Variants in STAP2 observed in about 807,000 individuals in gnomAD.
The protein encoded by STAP2 is signal-transducing adaptor protein 2.
Under a neutral mutation model 52.7 loss-of-function variants are expected in STAP2, and 58 were observed. That is an observed-to-expected ratio of 1.10 (90% CI 0.89 to 1.37). STAP2 has a LOEUF of 1.37. STAP2 is among the 40% of genes most tolerant of loss of function. The pLI is 0.00. For missense variants in STAP2, 522 were observed against 519.4 expected (o/e 1.00, Z -0.05); for synonymous variants, 231 against 210.5 (o/e 1.10, Z -0.84).
chr19:4,330,955 T>G (rs1469242337), intron 4 of STAP2, among the ~76,000 whole-genome samples: 2 of 151,878 alleles, frequency 1.3e-5, no homozygotes, highest in African/African-American at 4.8e-5. Context: ...CCTCATGATC[T>G]GCCAGCCTCG....
chr19:4,325,854 G>A (rs1252999634), intron 9 of STAP2, among the ~76,000 whole-genome samples: 1 of 151,934 alleles, frequency 6.6e-6, no homozygotes, highest in East Asian at 1.9e-4. Context: ...TCCTGTAATC[G>A]CAGCTACTCG....
chr19:4,331,077 C>T (rs55720305), intron 4 of STAP2, among the ~76,000 whole-genome samples: 3,145 of 149,830 alleles, frequency 0.021, 78 homozygotes, highest in African/African-American at 0.061. Context: ...CATCTATAAT[C>T]CTATCACTTT....
chr19:4,330,602 A>G (rs1411505982), intron 4 of STAP2, among the ~76,000 whole-genome samples: 1 of 151,550 alleles, frequency 6.6e-6, no homozygotes, highest in Non-Finnish European at 1.5e-5. Context: ...TGCAGGGGCC[A>G]GGCAGGTCTC....
At chr19:4,324,431 G>T (rs768521143) in intron 12 of STAP2, 24 bp downstream of exon 12, 4 of 1,542,162 alleles carry the variant, frequency 2.6e-6, no homozygotes, top group Non-Finnish European at 3.5e-6. Context: ...AGCCCGCCCC[G>T]CACTGACCCC....
At chr19:4,332,101 G>T (rs1439996341) in intron 3 of STAP2, 23 bp from the exon 4 acceptor site, 8 of 1,597,034 alleles carry the variant, frequency 5.0e-6, no homozygotes, top group Non-Finnish European at 6.8e-6. Context: ...AGAAAGGAAA[G>T]AATCCAAGTC....
intron 1 of STAP2, among the ~76,000 whole-genome samples, chr19:4,335,054 C>T (rs1448374733): frequency 6.9e-6 from 1 of 145,738 alleles, no homozygotes; most frequent in African/African-American, 2.5e-5. Context: ...CTCCATCATC[C>T]ACCCACCATC....
At chr19:4,328,909 C>T (rs966035815) in intron 5 of STAP2, 100 bp from the exon 6 acceptor site, 1 of 1,485,580 alleles carries the variant, frequency 6.7e-7, no homozygotes, top group Admixed American at 2.1e-5. Flanking sequence ...ATCCCCATCC[C>T]CTAGGCCCAG....
At position 4,333,962 on chromosome 19, in the gene STAP2, C is replaced by A; in HGVS notation, c.174+11G>T. 2.5e-6 allele frequency: 4 copies of A among 1,613,016 alleles called. No homozygotes were observed. In the East Asian group the frequency reaches 6.7e-5, roughly 27 times the overall value. ...GAAGGCCTGCTCTGGAGCCTCCATT[C>A]CCATCCTTACCTGGAAGTCCCGATT... On this transcript the variant is annotated intron_variant, in intron 2 of 12. Transcript: ENST00000594605.
chr19:4,325,770 A>G (rs755830904), intron 9 of STAP2, among the ~76,000 whole-genome samples: 2 of 152,188 alleles, frequency 1.3e-5, no homozygotes. Flanking sequence ...CAGGGGTTCA[A>G]GACCAGCCTG....
At chr19:4,328,589 C>G in intron 6 of STAP2, 86 bp downstream of exon 6, 1 of 1,514,372 alleles carries the variant, frequency 6.6e-7, no homozygotes, top group East Asian at 2.5e-5. Context: ...GCGGGTCGGA[C>G]TCCGCCCCTG....
At chr19:4,333,856 T>G (rs752649899) in intron 2 of STAP2, 40 bp from the exon 3 acceptor site, 39 of 1,613,416 alleles carry the variant, frequency 2.4e-5, no homozygotes, top group Admixed American at 3.3e-5. Flanking sequence ...ACCAGTTCCT[T>G]GGCCTCCAGG....
chr19:4,335,066 ATCATCCATCCACCCAC>A (rs1174115707), intron 1 of STAP2, among the ~76,000 whole-genome samples: 135 of 76,388 alleles, frequency 1.8e-3, no homozygotes, highest in African/African-American at 6.0e-3. Flanking sequence ...CCCACCATCT[ATCATCCATCCACCCAC>A]TCATCCATCC....
At chr19:4,332,882 C>T (rs898847753) in intron 3 of STAP2, among the ~76,000 whole-genome samples, 14 of 151,264 alleles carry the variant, frequency 9.3e-5, no homozygotes, top group African/African-American at 3.4e-4. Flanking sequence ...AGTTCCCAGA[C>T]CTCTCATGCT....
intron 1 of STAP2, among the ~76,000 whole-genome samples, chr19:4,337,983 G>T (rs375425214): frequency 1.8e-4 from 27 of 152,194 alleles, no homozygotes; most frequent in African/African-American, 6.5e-4. Flanking sequence ...TCGTGCCCCT[G>T]CACTCTAGCC....
chr19:4,324,195 G>A lies in STAP2; in HGVS notation c.1150C>T (p.Leu384=). The change falls in exon 13 of 13, where the codon CTG becomes TTG. Residue 384 remains leucine (L), a splice_region_variant and synonymous_variant. Transcript: ENST00000594605. ...TGTAGCTCTGCCGTCATGTCTGCCA[G>A]CCCTGGGGGTTCAGGACCAGGAGCT... ...SAQPLFPTAG[L]ADMTAELQKK... 1 of 1,551,148 alleles carries A rather than the reference G, an allele frequency of 6.4e-7. No homozygotes were observed. The highest frequency in any genetic ancestry group is 1.2e-5 in the South Asian group (1 of 84,060).
chr19:4,327,769 C>T (rs761771640), intron 6 of STAP2, among the ~76,000 whole-genome samples: 2 of 151,442 alleles, frequency 1.3e-5, no homozygotes, highest in Admixed American at 1.3e-4. Flanking sequence ...GACCCCGCCC[C>T]AGGTAGGCCC....
intron 4 of STAP2, among the ~76,000 whole-genome samples, chr19:4,330,623 G>C (rs1414974126): frequency 6.6e-6 from 1 of 151,782 alleles, no homozygotes; most frequent in African/African-American, 2.4e-5. Flanking sequence ...AAACTCAATG[G>C]CCTGCCAGGG....
intron 6 of STAP2, 38 bp downstream of exon 6, chr19:4,328,630 TCCCACCC>T: frequency 1.3e-6 from 2 of 1,541,496 alleles, no homozygotes; most frequent in Non-Finnish European, 8.8e-7. Flanking sequence ...CCCACCCTCT[TCCCACCC>T]TCCTCCCACC....
At chr19:4,330,540 C>CAA (rs1201004457) in intron 4 of STAP2, among the ~76,000 whole-genome samples, 6 of 109,858 alleles carry the variant, frequency 5.5e-5, no homozygotes, top group East Asian at 2.6e-4. Context: ...CCAACCCCAC[C>CAA]AAAAAAAAAA....
Sources: allele counts gnomAD v4.1 joint callset (sites outside exome capture counted in the v4.1 genomes callset), GRCh38; gene constraint gnomAD v4.1.1; transcripts MANE v1.5; gene names NCBI Gene and HGNC (gene_info 2026-07-23, HGNC 2026-07-21).